CNTN4: variants seen among roughly 807,000 people sequenced by gnomAD.
CNTN4 encodes the protein contactin-4.
CNTN4 carries 77 observed loss-of-function variants against 122.5 expected under a neutral mutation model. The observed-to-expected ratio is 0.63, with a 90% CI of 0.52 to 0.76. The LOEUF is 0.76. CNTN4 is among the 30% of genes least tolerant of loss of function. The probability of loss-of-function intolerance (pLI) is 0.00; values close to 1 mark genes in which losing one functional copy is unlikely to be tolerated. For missense variants in CNTN4, 1,256 were observed against 1,259.1 expected, an observed-to-expected ratio of 1.00 and a Z score of 0.04; for synonymous variants, 512 against 447.0, an observed-to-expected ratio of 1.15 and a Z score of -1.83.
chr3:3,048,378 G>T (rs78313331), intron 23 of CNTN4, among the ~76,000 whole-genome samples: 2,656 of 152,210 alleles, frequency 0.017, 40 homozygotes, highest in Middle Eastern at 0.068. Flanking sequence ...ATATGCTTAG[G>T]TTATACACAA....
At chr3:2,645,466 G>A (rs974071214) in intron 4 of CNTN4, among the ~76,000 whole-genome samples, 1 of 152,086 alleles carries the variant, frequency 6.6e-6, no homozygotes, top group Non-Finnish European at 1.5e-5. Flanking sequence ...TTTTCATGCT[G>A]TTAAAGCAAA....
At chr3:2,828,368 C>A (rs539067557) in intron 7 of CNTN4, among the ~76,000 whole-genome samples, 5 of 152,228 alleles carry the variant, frequency 3.3e-5, no homozygotes, top group African/African-American at 1.2e-4. Flanking sequence ...TAGGTTAACA[C>A]TGACCGTCTT....
intron 6 of CNTN4, among the ~76,000 whole-genome samples, chr3:2,761,586 A>G (rs6772481): frequency 0.19 from 29,166 of 151,990 alleles, 3,235 homozygotes; most frequent in East Asian, 0.37. Flanking sequence ...CTATATGATA[A>G]TTACAGGGTA....
chr3:2,775,989 G>A (rs777932073), intron 6 of CNTN4, among the ~76,000 whole-genome samples: 23 of 152,042 alleles, frequency 1.5e-4, no homozygotes, highest in Admixed American at 2.6e-4. Flanking sequence ...CTTCCTTTGC[G>A]CTTTGCATTT....
intron 7 of CNTN4, among the ~76,000 whole-genome samples, chr3:2,838,560 TAA>T (rs11394928): frequency 0.043 from 5,484 of 127,846 alleles, 329 homozygotes; most frequent in African/African-American, 0.14. Context: ...CTATGGTTTG[TAA>T]AAAAAAAAAA....
chr3:2,636,195 T>C (rs1401413782), intron 4 of CNTN4, among the ~76,000 whole-genome samples: 1 of 152,142 alleles, frequency 6.6e-6, no homozygotes, highest in African/African-American at 2.4e-5. Context: ...CTTGGCATTT[T>C]GGTATTGGTA....
chr3:2,736,285 G>C lies in CNTN4; in HGVS notation c.126G>C (p.Glu42Asp). 1 of 1,613,528 alleles carries C rather than the reference G, an allele frequency of 6.2e-7. No individual in the cohort carries two copies. Among genetic ancestry groups the C allele is most frequent in the South Asian group, 1.1e-5 (1 of 91,068 alleles). Residue 42 changes from glutamate to aspartate, a missense_variant, in exon 5 of 25, where the codon GAG (glutamate) becomes GAC (aspartate). By Grantham distance (45) the Glu-to-Asp change is conservative. Coordinates refer to ENST00000418658, the MANE Select transcript of CNTN4 (RefSeq NM_175607.3). ...CTGTAATGTTCCCTTTGGATTCTGA[G>C]GAGAAAAAAGTGAAGCTCAATTGTG... ...PSPVMFPLDSEEKKVKLNCEV... is the reference protein window; with the variant it reads ...PSPVMFPLDSDEKKVKLNCEV...
At chr3:2,439,360 C>G (rs2048356260) in intron 3 of CNTN4, among the ~76,000 whole-genome samples, 1 of 152,054 alleles carries the variant, frequency 6.6e-6, no homozygotes, top group Non-Finnish European at 1.5e-5. Context: ...AGTTTGAGAA[C>G]CATTGTTCTG....
chr3:2,695,787 G>A (rs919257152), intron 4 of CNTN4, among the ~76,000 whole-genome samples: 7 of 152,108 alleles, frequency 4.6e-5, no homozygotes, highest in African/African-American at 1.7e-4. Flanking sequence ...GTCCAATCTG[G>A]GTTTTAGGGA....
intron 8 of CNTN4, among the ~76,000 whole-genome samples, chr3:2,881,241 G>A (rs1387240565): frequency 3.9e-5 from 6 of 152,078 alleles, no homozygotes; most frequent in African/African-American, 2.4e-5. Flanking sequence ...GGTGGGGTGC[G>A]GTGGCTCATG....
chr3:3,041,819 G>A (rs147351319), intron 20 of CNTN4, among the ~76,000 whole-genome samples: 22 of 152,248 alleles, frequency 1.4e-4, no homozygotes, highest in East Asian at 3.9e-4. Context: ...TTAGCCAGGC[G>A]TGTTGGCACA....
At chr3:2,386,338 A>G (rs988881026) in intron 3 of CNTN4, among the ~76,000 whole-genome samples, 1 of 152,164 alleles carries the variant, frequency 6.6e-6, no homozygotes, top group Non-Finnish European at 1.5e-5. Context: ...AAGTTGCAGT[A>G]TTGAGACATA....
intron 3 of CNTN4, among the ~76,000 whole-genome samples, chr3:2,502,249 A>C (rs551105234): frequency 2.0e-5 from 3 of 152,080 alleles, no homozygotes; most frequent in South Asian, 2.1e-4. Flanking sequence ...GAGATACTCC[A>C]CTTCTTTAAC....
At chr3:2,478,050 A>G (rs2075880477) in intron 3 of CNTN4, among the ~76,000 whole-genome samples, 1 of 152,254 alleles carries the variant, frequency 6.6e-6, no homozygotes, top group Non-Finnish European at 1.5e-5. Context: ...ATAGACTTTT[A>G]GATATTTCCT....
intron 2 of CNTN4, among the ~76,000 whole-genome samples, chr3:2,111,055 AT>A (rs1333971703): frequency 6.6e-6 from 1 of 152,022 alleles, no homozygotes; most frequent in South Asian, 2.1e-4. Flanking sequence ...TTTCTTTTCT[AT>A]TTTTTTCCAG....
rs978189308 is a variant in CNTN4 at position 2,935,699 on chromosome 3, C to T, written c.1358+9920C>T. ...TACCAGAGACTTTTTTTTATCTTAT[C>T]ATAGTTATAAACTTCATATTTACAG... On this transcript the variant is annotated intron_variant, in intron 13 of 24. Coordinates refer to ENST00000418658, the MANE Select transcript of CNTN4 (RefSeq NM_175607.3). 6.6e-5 allele frequency among the ~76,000 whole-genome samples: 10 copies of T among 152,254 alleles called. No homozygotes were observed. The East Asian group carries it at 1.9e-3, about 29-fold the overall frequency.
At chr3:2,395,174 C>G (rs1682592156) in intron 3 of CNTN4, among the ~76,000 whole-genome samples, 1 of 152,124 alleles carries the variant, frequency 6.6e-6, no homozygotes, top group African/African-American at 2.4e-5. Context: ...GTTGTTTATT[C>G]ATACAGTAGA....
At chr3:2,140,101 G>A (rs923596539) in intron 2 of CNTN4, among the ~76,000 whole-genome samples, 1 of 152,156 alleles carries the variant, frequency 6.6e-6, no homozygotes, top group African/African-American at 2.4e-5. Flanking sequence ...TGTAAGATGT[G>A]CCTTTGCTTC....
chr3:2,866,624 T>C (rs2093726572), intron 7 of CNTN4, 128 bp from the exon 8 acceptor site: 1 of 1,153,648 alleles, frequency 8.7e-7, no homozygotes, highest in African/African-American at 1.5e-5. Flanking sequence ...CCTATCTGTA[T>C]TTAGTGGGCT....
Sources: allele counts gnomAD v4.1 joint callset (sites outside exome capture counted in the v4.1 genomes callset), GRCh38; gene constraint gnomAD v4.1.1; transcripts MANE v1.5; gene names NCBI Gene and HGNC (gene_info 2026-07-23, HGNC 2026-07-21).